Variants in RAD51B observed in about 807,000 individuals in gnomAD.
RAD51B encodes DNA repair protein RAD51 homolog 2.
Under a neutral mutation model 42.2 loss-of-function variants are expected in RAD51B, and 38 were observed. That is an observed-to-expected ratio of 0.90 (90% CI 0.70 to 1.18). RAD51B has a LOEUF of 1.18. Among genes scored for constraint, RAD51B ranks in the 50% most tolerant of loss-of-function variants. The pLI, the probability that RAD51B is intolerant of heterozygous loss-of-function variation, is 0.00. For synonymous variants in RAD51B, 154 were observed against 145.2 expected (o/e 1.06, Z -0.43); for missense variants, 373 against 400.7 (o/e 0.93, Z 0.59).
At chr14:68,619,053 A>G (rs1595031379) in intron 10 of RAD51B, among the ~76,000 whole-genome samples, 1 of 152,372 alleles carries the variant, frequency 6.6e-6, no homozygotes, top group East Asian at 1.9e-4. Flanking sequence ...CAAGCAACTC[A>G]GCTTTTAACC....
intron 7 of RAD51B, among the ~76,000 whole-genome samples, chr14:67,910,693 T>C (rs1442997038): frequency 6.6e-6 from 1 of 152,142 alleles, no homozygotes. Context: ...TAAACCTACA[T>C]CTGAAGATAG....
chr14:67,823,178 A>T (rs1224525696), intron 1 of RAD51B, among the ~76,000 whole-genome samples: 1 of 152,228 alleles, frequency 6.6e-6, no homozygotes, highest in African/African-American at 2.4e-5. Context: ...ATATGCCTTG[A>T]AAGTTAATTA....
chr14:67,958,481 C>G (rs1190742443), intron 7 of RAD51B, among the ~76,000 whole-genome samples: 1 of 152,166 alleles, frequency 6.6e-6, no homozygotes, highest in Admixed American at 6.5e-5. Context: ...TGGTTTTCAT[C>G]AAGGAAAAGT....
chr14:67,846,504 A>C (rs1315331643), intron 4 of RAD51B, among the ~76,000 whole-genome samples: 1 of 152,074 alleles, frequency 6.6e-6, no homozygotes, highest in Non-Finnish European at 1.5e-5. Flanking sequence ...GGCCGAGTGC[A>C]TGTTCCTGCT....
At chr14:68,563,349 C>A in intron 10 of RAD51B, 1 of 985,446 alleles carries the variant, frequency 1.0e-6, no homozygotes, top group Non-Finnish European at 1.2e-6. Context: ...CTCAGCCTGC[C>A]AGGCCTTCCC....
intron 4 of RAD51B, among the ~76,000 whole-genome samples, chr14:67,852,720 G>A (rs1453561515): frequency 1.3e-5 from 2 of 152,148 alleles, no homozygotes; most frequent in African/African-American, 4.8e-5. Context: ...GAGTCTTAGA[G>A]GCCGCCTACC....
chr14:68,614,546 C>T (rs1891786515), downstream of RAD51B, among the ~76,000 whole-genome samples: 2 of 152,206 alleles, frequency 1.3e-5, no homozygotes, highest in Non-Finnish European at 2.9e-5. Context: ...CTGGCAACCA[C>T]TATTCTACTA....
chr14:68,567,415 T>G (rs1023452612), intron 10 of RAD51B, among the ~76,000 whole-genome samples: 2 of 152,298 alleles, frequency 1.3e-5, no homozygotes, highest in Admixed American at 6.5e-5. Context: ...ATGTACAGCC[T>G]TTTCCTCTCT....
intron 7 of RAD51B, among the ~76,000 whole-genome samples, chr14:68,143,445 AC>A (rs1174629708): frequency 6.6e-6 from 1 of 152,234 alleles, no homozygotes; most frequent in Admixed American, 6.5e-5. Context: ...CAGCGGCCAA[AC>A]ATGAAAATGG....
chr14:68,199,775 T>C (rs556967225), intron 7 of RAD51B, among the ~76,000 whole-genome samples: 1 of 152,254 alleles, frequency 6.6e-6, no homozygotes, highest in Admixed American at 6.5e-5. Context: ...ATAGCTTGGG[T>C]CTGTCTTGGC....
At chr14:67,849,747 T>C (rs1190222889) in intron 4 of RAD51B, among the ~76,000 whole-genome samples, 2 of 152,234 alleles carry the variant, frequency 1.3e-5, no homozygotes, top group Non-Finnish European at 2.9e-5. Context: ...CTTTTTAAGA[T>C]GTTTATCTCC....
At chr14:68,221,002 A>C (rs1267475636) in intron 7 of RAD51B, among the ~76,000 whole-genome samples, 1 of 152,108 alleles carries the variant, frequency 6.6e-6, no homozygotes, top group Non-Finnish European at 1.5e-5. Context: ...ATGGTGGCGC[A>C]CACCTGTAGT....
chr14:68,207,369 C>T (rs887265638), intron 7 of RAD51B, among the ~76,000 whole-genome samples: 1 of 152,078 alleles, frequency 6.6e-6, no homozygotes, highest in South Asian at 2.1e-4. Flanking sequence ...TTTTACATGG[C>T]TTCTGAATTT....
chr14:67,965,799 G>C lies in RAD51B; in HGVS notation c.756+78595G>C, dbSNP rs77961177. Reference sequence around the variant, plus strand: ...ACTCTTCCCTGACAAACTCTTGCTTGTATAGAGGAACTGAGGAAGCCAAGA... The same window carrying C: ...ACTCTTCCCTGACAAACTCTTGCTTCTATAGAGGAACTGAGGAAGCCAAGA... On this transcript the variant is annotated intron_variant, in intron 7 of 10. Transcript: ENST00000471583. Among the ~76,000 whole-genome samples the C allele has an allele frequency of 1.5e-3, 223 of 152,144 alleles. 1 individual carries two copies. Among genetic ancestry groups the C allele is most frequent in the Non-Finnish European group, 2.3e-3 (155 of 68,004 alleles).
intron 4 of RAD51B, among the ~76,000 whole-genome samples, chr14:67,850,182 G>C (rs2041758030): frequency 2.0e-5 from 3 of 152,062 alleles, no homozygotes; most frequent in Admixed American, 2.0e-4. Context: ...TATTTGTATA[G>C]ACAGTGTCCC....
chr14:68,152,161 G>A (rs182959178), intron 7 of RAD51B, among the ~76,000 whole-genome samples: 213 of 152,138 alleles, frequency 1.4e-3, no homozygotes, highest in African/African-American at 4.9e-3. Context: ...CTATTTTAAT[G>A]TTCTCGTGTT....
intron 7 of RAD51B, among the ~76,000 whole-genome samples, chr14:68,146,463 C>G (rs556536389): frequency 2.0e-4 from 31 of 152,002 alleles, no homozygotes; most frequent in Middle Eastern, 3.4e-3. Flanking sequence ...AGTTTAGAAT[C>G]GTCGCAGGAG....
chr14:67,906,603 C>G (rs1161952720), intron 7 of RAD51B, among the ~76,000 whole-genome samples: 1 of 151,912 alleles, frequency 6.6e-6, no homozygotes, highest in Non-Finnish European at 1.5e-5. Flanking sequence ...GTTTCAATTT[C>G]TTCCTGGTTC....
chr14:68,444,430 G>T (rs1460390163), intron 9 of RAD51B, among the ~76,000 whole-genome samples: 1 of 136,302 alleles, frequency 7.3e-6, no homozygotes, highest in Non-Finnish European at 1.6e-5. Context: ...CAGGTGGAAA[G>T]AATTGTGAAT....
Sources: allele counts gnomAD v4.1 joint callset (sites outside exome capture counted in the v4.1 genomes callset), GRCh38; gene constraint gnomAD v4.1.1; transcripts MANE v1.5; gene names NCBI Gene and HGNC (gene_info 2026-07-23, HGNC 2026-07-21).